Variants in MPHOSPH8 observed in about 807,000 individuals in gnomAD.
MPHOSPH8 encodes the protein M-phase phosphoprotein 8.
Under a neutral mutation model 87.3 loss-of-function variants are expected in MPHOSPH8, and 45 were observed. That is an observed-to-expected ratio of 0.52 (90% CI 0.41 to 0.66). The LOEUF is 0.66. MPHOSPH8 is among the 30% of genes least tolerant of loss of function. The pLI is 0.00. For synonymous variants in MPHOSPH8, 366 were observed against 376.9 expected (o/e 0.97, Z 0.33); for missense variants, 883 against 1,020.2 (o/e 0.87, Z 1.83).
chr13:19,669,039 G>C (rs552483428), intron 11 of MPHOSPH8, among the ~76,000 whole-genome samples: 54 of 152,074 alleles, frequency 3.6e-4, no homozygotes, highest in Non-Finnish European at 6.6e-4. Context: ...GGAGGAAGCC[G>C]GGCTCTGGCT....
chr13:19,671,144 GTT>G, intron 12 of MPHOSPH8, 60 bp from the exon 13 acceptor site: 3 of 1,580,688 alleles, frequency 1.9e-6, no homozygotes, highest in Non-Finnish European at 2.6e-6. Context: ...CATCATTGGT[GTT>G]TTAAGGGCTT....
chr13:19,655,504 C>T (rs1436983441), intron 5 of MPHOSPH8, among the ~76,000 whole-genome samples: 2 of 151,898 alleles, frequency 1.3e-5, no homozygotes. Context: ...CACCAAAAAA[C>T]CCTTTAGCAG....
chr13:19,642,305 C>T lies in MPHOSPH8; in HGVS notation c.369+35C>T, dbSNP rs745332694. ...TTTGTCTCATATTTGTTTTTACATACATAAATTTATTGTAAATTTTAACTC... is the reference window on the plus strand; with the variant it reads ...TTTGTCTCATATTTGTTTTTACATATATAAATTTATTGTAAATTTTAACTC... On this transcript the variant is annotated intron_variant, in intron 2 of 13. Transcript: ENST00000361479. 4.0e-6 allele frequency: 6 copies of T among 1,490,020 alleles called. No individual in the cohort carries two copies. The South Asian group carries it at 6.6e-5, about 16-fold the overall frequency. The allele number at this position is 1,490,020 out of a possible 1,614,324, so 92.3% of individuals were successfully genotyped here.
At chr13:19,663,294 G>A (rs1875646794) in intron 9 of MPHOSPH8, among the ~76,000 whole-genome samples, 168 bp downstream of exon 9, 1 of 152,222 alleles carries the variant, frequency 6.6e-6, no homozygotes, top group South Asian at 2.1e-4. Flanking sequence ...TGGCAGGGTA[G>A]CAGTGAGAGC....
intron 11 of MPHOSPH8, 152 bp downstream of exon 11, chr13:19,668,683 G>C: frequency 1.2e-6 from 1 of 853,612 alleles, no homozygotes; most frequent in Non-Finnish European, 1.8e-6. Flanking sequence ...AGCCACTCTG[G>C]TGGAAGAGAC....
chr13:19,666,830 G>C (rs914165177), intron 10 of MPHOSPH8, among the ~76,000 whole-genome samples: 1 of 152,138 alleles, frequency 6.6e-6, no homozygotes, highest in Non-Finnish European at 1.5e-5. Context: ...TAAATATTAA[G>C]TATGCTCTTA....
chr13:19,666,643 T>C (rs765576683), intron 10 of MPHOSPH8, 64 bp downstream of exon 10: 67 of 1,438,646 alleles, frequency 4.7e-5, no homozygotes, highest in Non-Finnish European at 5.8e-5. Flanking sequence ...TGTAGACATA[T>C]TATAATTGGA....
rs1593461212 is a variant in MPHOSPH8 at position 19,633,685 on chromosome 13, C to T, written c.-64C>T. ...ATGTGGAGTAGGGCCGAGCGCGGAACGCGAGGGGCTGCTGGGGTGTTTGTC... is the reference window on the plus strand; with the variant it reads ...ATGTGGAGTAGGGCCGAGCGCGGAATGCGAGGGGCTGCTGGGGTGTTTGTC... On this transcript the variant is annotated 5_prime_UTR_variant, in exon 1 of 14. The change creates a new upstream start codon in the 5' untranslated region. Transcript: ENST00000361479. The T allele has an allele frequency of 5.2e-6, 8 of 1,528,820 alleles. No individual in the cohort carries two copies. Among genetic ancestry groups the T allele is most frequent in the South Asian group, 3.6e-5 (3 of 83,420 alleles). The allele number at this position is 1,528,820 out of a possible 1,614,324, so 94.7% of individuals were successfully genotyped here.
chr13:19,656,193 C>A (rs990321311), intron 5 of MPHOSPH8, among the ~76,000 whole-genome samples: 1 of 140,480 alleles, frequency 7.1e-6, no homozygotes, highest in Non-Finnish European at 1.5e-5. Flanking sequence ...GTAGGAGGAC[C>A]ATTTGAGCCC....
intron 10 of MPHOSPH8, 49 bp downstream of exon 10, chr13:19,666,628 G>C (rs777653878): frequency 2.0e-6 from 3 of 1,488,482 alleles, no homozygotes; most frequent in Non-Finnish European, 2.7e-6. Flanking sequence ...TCATACATCT[G>C]TTTATGTAGA....
rs1192369302 is a variant in MPHOSPH8, at chr13:19,672,027, G to A, written c.*152G>A. On this transcript the variant is annotated 3_prime_UTR_variant, in exon 14 of 14. Coordinates refer to ENST00000361479, the MANE Select transcript of MPHOSPH8 (RefSeq NM_017520.4). ...TTGTCTGTTGTAGTCTGTAAGATGC[G>A]ACATAGCTGTGTCTGTGCCAGTATG... The A allele has an allele frequency of 5.6e-6, 4 of 718,178 alleles. No homozygotes were observed. Among genetic ancestry groups the A allele is most frequent in the African/African-American group, 3.5e-5 (2 of 56,618 alleles). 44.5% of individuals were successfully genotyped at this position (718,178 alleles called of 1,614,324 possible). A position where few individuals can be genotyped will look rare whatever the true frequency, so the allele number is the denominator to read the frequency against.
In MPHOSPH8 at chr13:19,659,281, G is replaced by T; in HGVS notation, c.1783G>T (p.Asp595Tyr). 1 of 1,602,270 alleles carries T rather than the reference G, an allele frequency of 6.2e-7. No homozygotes were observed. Among genetic ancestry groups the T allele is most frequent in the Non-Finnish European group, 8.5e-7 (1 of 1,173,630 alleles). ...TAATTCAAATGAAGAATATAACCTG[G>T]ACCAAGAGGTAATATGTCGTTGAAA... ...ALNSNEEYNL[D>Y]QEDSSGMTLV... Residue 595 changes from aspartate (D) to tyrosine (Y), a missense_variant, in exon 7 of 14, where the codon GAC becomes TAC. Physicochemically the swap from Asp to Tyr is radical, Grantham distance 160. Transcript: ENST00000361479.
intron 7 of MPHOSPH8, chr13:19,659,620 C>T (rs908536406): frequency 1.2e-4 from 48 of 396,868 alleles, no homozygotes; most frequent in Non-Finnish European, 2.2e-4. Context: ...GTGGAGATCA[C>T]ACCACTGCAC....
intron 9 of MPHOSPH8, among the ~76,000 whole-genome samples, chr13:19,664,628 G>T (rs552726142): frequency 6.6e-6 from 1 of 152,326 alleles, no homozygotes; most frequent in East Asian, 1.9e-4. Flanking sequence ...ACAGAAGTCT[G>T]TACCTCGGGA....
At chr13:19,639,831 A>AC (rs1175241019) in intron 1 of MPHOSPH8, among the ~76,000 whole-genome samples, 1 of 152,160 alleles carries the variant, frequency 6.6e-6, no homozygotes, top group Non-Finnish European at 1.5e-5. Flanking sequence ...TGGGCCAGGC[A>AC]CAGAGGCTCA....
intron 13 of MPHOSPH8, among the ~76,000 whole-genome samples, chr13:19,671,581 C>CCGGT (rs1876130041): frequency 6.6e-6 from 1 of 152,140 alleles, no homozygotes; most frequent in Non-Finnish European, 1.5e-5. Flanking sequence ...TGTCTTTAGG[C>CCGGT]CGGTCCCTAA....
chr13:19,658,318 T>C (rs142507833), intron 5 of MPHOSPH8, among the ~76,000 whole-genome samples: 1 of 152,254 alleles, frequency 6.6e-6, no homozygotes, highest in Non-Finnish European at 1.5e-5. Flanking sequence ...GTTTTTCACT[T>C]GTAAAAAAAG....
intron 1 of MPHOSPH8, 144 bp from the exon 2 acceptor site, chr13:19,641,971 G>A (rs371240406): frequency 1.6e-6 from 1 of 638,758 alleles, no homozygotes; most frequent in Non-Finnish European, 2.4e-6. Context: ...CTCAGGAGAT[G>A]TGTGTACTTT....
At chr13:19,636,882 T>G (rs1874038230) in intron 1 of MPHOSPH8, among the ~76,000 whole-genome samples, 1 of 152,212 alleles carries the variant, frequency 6.6e-6, no homozygotes. Flanking sequence ...AAAGGAAACT[T>G]TGGCTACCAA....
Sources: gnomAD v4.1 joint callset for allele counts (sites outside exome capture counted in the v4.1 genomes callset) on GRCh38, gnomAD v4.1.1 for gene constraint, MANE v1.5 for transcripts, NCBI Gene and HGNC (gene_info 2026-07-23, HGNC 2026-07-21) for gene names.